KHDRBS2: variants seen among roughly 807,000 people sequenced by gnomAD.
The protein encoded by KHDRBS2 is KH domain-containing, RNA-binding, signal transduction-associated protein 2.
In KHDRBS2, 26 loss-of-function variants were observed where a neutral mutation model predicts 44.3. The ratio of observed to expected loss-of-function variants is 0.59; its 90% CI spans 0.43 to 0.81. The LOEUF (loss-of-function observed/expected upper bound fraction) is 0.81, where lower values mean the gene tolerates loss of function less well. Ranked by LOEUF, KHDRBS2 falls within the 40% of genes least tolerant of loss-of-function variation. The pLI, the probability that KHDRBS2 is intolerant of heterozygous loss-of-function variation, is 0.00. For synonymous variants in KHDRBS2, 194 were observed against 151.1 expected (o/e 1.28, Z -2.08); for missense variants, 476 against 433.1 (o/e 1.10, Z -0.88).
chr6:61,625,574 C>A, the KHDRBS2 span, among the ~76,000 whole-genome samples: 1 of 151,994 alleles, frequency 6.6e-6, no homozygotes, highest in Non-Finnish European at 1.5e-5. Flanking sequence ...TAGGGCCAGG[C>A]AATTCCTGCC....
intron 4 of KHDRBS2, among the ~76,000 whole-genome samples, chr6:61,975,402 T>G (rs1772375899): frequency 6.6e-6 from 1 of 152,126 alleles, no homozygotes; most frequent in Non-Finnish European, 1.5e-5. Context: ...AGCATTTCTG[T>G]GGGCTTTAAT....
the KHDRBS2 span, among the ~76,000 whole-genome samples, chr6:61,595,849 A>G: frequency 6.6e-6 from 1 of 151,710 alleles, no homozygotes; most frequent in Non-Finnish European, 1.5e-5. Flanking sequence ...TTTTATGATT[A>G]TTACTTAATT....
chr6:61,713,253 C>T (rs1770828540), intron 7 of KHDRBS2, among the ~76,000 whole-genome samples: 1 of 151,532 alleles, frequency 6.6e-6, no homozygotes, highest in East Asian at 1.9e-4. Context: ...CTGTTTCTAG[C>T]ACCTAGCAAA....
intron 3 of KHDRBS2, among the ~76,000 whole-genome samples, chr6:62,043,179 G>T (rs1165545415): frequency 2.6e-5 from 4 of 151,920 alleles, no homozygotes; most frequent in African/African-American, 9.7e-5. Flanking sequence ...TCAAAAATAA[G>T]CTTGTAGAAC....
chr6:61,608,224 T>G, the KHDRBS2 span, among the ~76,000 whole-genome samples: 3 of 151,948 alleles, frequency 2.0e-5, no homozygotes, highest in Admixed American at 2.0e-4. Flanking sequence ...CTAACATTTC[T>G]GCTTGTTTTA....
chr6:61,659,028 C>T, the KHDRBS2 span: 3 of 151,772 alleles, frequency 2.0e-5, no homozygotes, highest in Non-Finnish European at 4.4e-5. Flanking sequence ...ATGTTTAATA[C>T]TGCTTTTCAG....
rs192081445 is a variant in KHDRBS2, at chr6:62,268,269, T to G, written c.91+17589A>C. The stretch of plus-strand genomic sequence containing the variant: ...CTCACCAAATGCCAGCACTGATATA[T>G]TCTGTCAGTCTAGATCATTGTTAAA... On this transcript the variant is annotated intron_variant, in intron 1 of 8. Transcript: ENST00000281156. Among the ~76,000 whole-genome samples, 310 of 152,198 alleles carry G rather than the reference T, an allele frequency of 2.0e-3. 2 individuals are homozygous for G. The highest frequency in any genetic ancestry group is 7.0e-3 in the African/African-American group (289 of 41,558).
At chr6:62,254,700 G>T (rs892202303) in intron 1 of KHDRBS2, among the ~76,000 whole-genome samples, 15 of 151,962 alleles carry the variant, frequency 9.9e-5, no homozygotes, top group Admixed American at 3.3e-4. Context: ...TATGAAATCA[G>T]GTCATAAAAT....
chr6:61,874,641 C>T (rs1434277222), intron 6 of KHDRBS2, among the ~76,000 whole-genome samples: 1 of 152,094 alleles, frequency 6.6e-6, no homozygotes, highest in Non-Finnish European at 1.5e-5. Flanking sequence ...AGAAAAGCAC[C>T]TATCTAAATG....
intron 3 of KHDRBS2, among the ~76,000 whole-genome samples, chr6:61,987,835 C>T (rs1364318902): frequency 1.3e-5 from 2 of 152,136 alleles, no homozygotes; most frequent in Non-Finnish European, 2.9e-5. Flanking sequence ...CTTCCAAATG[C>T]CTGCTATCTT....
At chr6:61,958,554 T>G (rs1767941198) in intron 4 of KHDRBS2, among the ~76,000 whole-genome samples, 1 of 152,206 alleles carries the variant, frequency 6.6e-6, no homozygotes. Flanking sequence ...TTTCTCTGTA[T>G]TCCACTTCAG....
chr6:61,998,383 TG>T (rs1777615329), intron 3 of KHDRBS2, among the ~76,000 whole-genome samples: 1 of 152,256 alleles, frequency 6.6e-6, no homozygotes, highest in Admixed American at 6.5e-5. Flanking sequence ...CAGTCAAAGG[TG>T]TCTGGAAGAC....
At chr6:62,048,381 C>T (rs1788215658) in intron 2 of KHDRBS2, among the ~76,000 whole-genome samples, 1 of 151,812 alleles carries the variant, frequency 6.6e-6, no homozygotes, top group South Asian at 2.1e-4. Context: ...ATGATTTTAA[C>T]GTAAGTCTAT....
intron 1 of KHDRBS2, among the ~76,000 whole-genome samples, chr6:62,208,312 C>A (rs1217407421): frequency 6.6e-5 from 10 of 152,116 alleles, no homozygotes; most frequent in African/African-American, 2.4e-4. Context: ...GCGCTACAGT[C>A]CTGAACTCCT....
chr6:62,086,531 C>A (rs968903933), intron 2 of KHDRBS2, among the ~76,000 whole-genome samples: 1 of 152,106 alleles, frequency 6.6e-6, no homozygotes, highest in Non-Finnish European at 1.5e-5. Flanking sequence ...CTGGAATGCT[C>A]TCATAAATAC....
At chr6:61,604,463 T>C in the KHDRBS2 span, among the ~76,000 whole-genome samples, 1 of 152,170 alleles carries the variant, frequency 6.6e-6, no homozygotes, top group Non-Finnish European at 1.5e-5. Context: ...ACAAGGCAAA[T>C]GGTTCTTGGA....
intron 6 of KHDRBS2, among the ~76,000 whole-genome samples, chr6:61,751,318 T>A (rs1777655755): frequency 6.6e-6 from 1 of 152,312 alleles, no homozygotes; most frequent in African/African-American, 2.4e-5. Flanking sequence ...ACATTTGTAA[T>A]CATCTGAGTT....
intron 2 of KHDRBS2, among the ~76,000 whole-genome samples, chr6:62,076,622 G>C (rs1382620393): frequency 6.6e-6 from 1 of 152,028 alleles, no homozygotes; most frequent in Non-Finnish European, 1.5e-5. Context: ...AAAGGGTCTT[G>C]ATGTCATTTA....
intron 6 of KHDRBS2, among the ~76,000 whole-genome samples, chr6:61,842,244 CTATTACTTATGCAG>C (rs1793706534): frequency 6.6e-6 from 1 of 152,134 alleles, no homozygotes; most frequent in African/African-American, 2.4e-5. Context: ...AATCTAATAG[CTATTACTTATGCAG>C]TATTCTAGTG....
Sources: allele counts gnomAD v4.1 joint callset (sites outside exome capture counted in the v4.1 genomes callset), GRCh38; gene constraint gnomAD v4.1.1; transcripts MANE v1.5; gene names NCBI Gene and HGNC (gene_info 2026-07-23, HGNC 2026-07-21).